The following THSD7B variants were observed in gnomAD, a reference collection of about 807,000 sequenced individuals.
The protein encoded by THSD7B is thrombospondin type 1 domain containing 7B.
A neutral mutation model predicts 213.6 loss-of-function variants in THSD7B; 138 were observed. The ratio of observed to expected loss-of-function variants is 0.65; its 90% CI spans 0.56 to 0.74. The LOEUF (loss-of-function observed/expected upper bound fraction) is 0.74, where lower values mean the gene tolerates loss of function less well. Ranked by LOEUF, THSD7B falls within the 30% of genes least tolerant of loss-of-function variation. The pLI, the probability that THSD7B is intolerant of heterozygous loss-of-function variation, is 0.00. For missense variants in THSD7B, 1,931 were observed against 1,991.5 expected, an observed-to-expected ratio of 0.97 and a Z score of 0.58; for synonymous variants, 742 against 687.0, an observed-to-expected ratio of 1.08 and a Z score of -1.25.
At chr2:136,933,583 AC>A (rs1684669419) in intron 2 of THSD7B, among the ~76,000 whole-genome samples, 1 of 152,122 alleles carries the variant, frequency 6.6e-6, no homozygotes, top group Non-Finnish European at 1.5e-5. Context: ...TGTCTCAAAA[AC>A]AAAAAAACAA....
In THSD7B at chr2:137,423,442, T is replaced by C. The variant is rs191354711; in HGVS notation, c.2959+11570T>C. Among the ~76,000 whole-genome samples, 277 of 152,174 alleles carry C rather than the reference T, an allele frequency of 1.8e-3. 1 individual carries two copies. The highest frequency in any genetic ancestry group is 6.1e-3 in the African/African-American group (252 of 41,558). On this transcript the variant is annotated intron_variant, in intron 14 of 27. Transcript: ENST00000409968. ...ATTAAAGCTAAAGAATTTAGCAGGT[T>C]TGCAGAGTATAAGATCAATGGTCGC...
chr2:137,483,035 G>A (rs1184607077), intron 15 of THSD7B, among the ~76,000 whole-genome samples: 2 of 152,018 alleles, frequency 1.3e-5, no homozygotes, highest in Non-Finnish European at 2.9e-5. Context: ...AGTCGTGAGG[G>A]TATGTTCTGT....
intron 1 of THSD7B, among the ~76,000 whole-genome samples, chr2:136,868,100 CCACACACACACACGCGCGCGCACA>C (rs1178435639): frequency 6.8e-6 from 1 of 147,262 alleles, no homozygotes; most frequent in South Asian, 2.1e-4. Context: ...ACACACCACA[CCACACACACACACGCGCGCGCACA>C]CACACACACA....
intron 15 of THSD7B, among the ~76,000 whole-genome samples, chr2:137,496,880 T>C (rs1679580768): frequency 6.6e-6 from 1 of 152,158 alleles, no homozygotes; most frequent in Non-Finnish European, 1.5e-5. Context: ...GATACGGAAA[T>C]TCACATACAC....
chr2:137,174,867 C>G (rs1341373516), intron 7 of THSD7B, among the ~76,000 whole-genome samples: 1 of 152,188 alleles, frequency 6.6e-6, no homozygotes, highest in African/African-American at 2.4e-5. Context: ...TATGTTTCCT[C>G]ATTTCAAAGT....
chr2:137,253,901 A>G (rs1291405608), intron 10 of THSD7B, among the ~76,000 whole-genome samples: 1 of 152,200 alleles, frequency 6.6e-6, no homozygotes, highest in Non-Finnish European at 1.5e-5. Flanking sequence ...GTAGATTTAT[A>G]AAGTGTTTAA....
intron 15 of THSD7B, among the ~76,000 whole-genome samples, chr2:137,556,401 G>T (rs1680968331): frequency 6.6e-6 from 1 of 152,070 alleles, no homozygotes; most frequent in South Asian, 2.1e-4. Context: ...CATTCTTAAA[G>T]AAAAGAATTT....
At chr2:137,465,057 A>G (rs865819462) in intron 15 of THSD7B, among the ~76,000 whole-genome samples, 1 of 152,078 alleles carries the variant, frequency 6.6e-6, no homozygotes, top group Non-Finnish European at 1.5e-5. Flanking sequence ...AGAGAGAAAT[A>G]AGGACATGCA....
In THSD7B at chr2:137,472,402, T is replaced by C. The variant is rs568476003; in HGVS notation, c.3138+21379T>C. Among the ~76,000 whole-genome samples, 9 of 152,188 alleles carry C rather than the reference T, an allele frequency of 5.9e-5. No individual in the cohort carries two copies. In the South Asian group the frequency reaches 1.5e-3, roughly 25 times the overall value. On this transcript the variant is annotated intron_variant, in intron 15 of 27. Coordinates refer to ENST00000409968, the MANE Select transcript of THSD7B (RefSeq NM_001316349.2). ...TATTTACTATAATCAAAACTTAAAC[T>C]GAAAAGTAGAAAAAGTATGTATTAG...
At chr2:136,957,470 A>G (rs1685146694) in intron 2 of THSD7B, among the ~76,000 whole-genome samples, 1 of 151,324 alleles carries the variant, frequency 6.6e-6, no homozygotes, top group Non-Finnish European at 1.5e-5. Context: ...TGATTAATTC[A>G]ATTATTATCA....
chr2:137,104,827 G>A (rs963952075), intron 4 of THSD7B, among the ~76,000 whole-genome samples: 1 of 152,004 alleles, frequency 6.6e-6, no homozygotes, highest in Non-Finnish European at 1.5e-5. Flanking sequence ...ATAAATTCCT[G>A]GACACTTACA....
intron 9 of THSD7B, among the ~76,000 whole-genome samples, chr2:137,234,820 T>A (rs1162943068): frequency 6.7e-6 from 1 of 150,280 alleles, no homozygotes; most frequent in Non-Finnish European, 1.5e-5. Context: ...TAATCTCCCA[T>A]GATAAATTTT....
chr2:137,518,451 A>G (rs972607148), intron 15 of THSD7B, among the ~76,000 whole-genome samples: 8 of 152,186 alleles, frequency 5.3e-5, no homozygotes, highest in African/African-American at 1.9e-4. Flanking sequence ...GCTGTAGCCA[A>G]TGGTTTGGCC....
chr2:137,272,773 A>G (rs1682776312), intron 11 of THSD7B, 111 bp downstream of exon 11: 2 of 1,131,960 alleles, frequency 1.8e-6, no homozygotes, highest in African/African-American at 3.2e-5. Context: ...GGGATCTGAC[A>G]TTTACATATC....
chr2:137,087,319 G>A (rs1395180709), intron 3 of THSD7B, among the ~76,000 whole-genome samples: 1 of 152,112 alleles, frequency 6.6e-6, no homozygotes, highest in African/African-American at 2.4e-5. Context: ...CCTAGCCAGA[G>A]CAATCAGACA....
chr2:137,090,311 A>T (rs1687927478), intron 3 of THSD7B, among the ~76,000 whole-genome samples: 1 of 151,998 alleles, frequency 6.6e-6, no homozygotes, highest in Non-Finnish European at 1.5e-5. Context: ...AGTATTTGTA[A>T]TTTTTTTATT....
intron 12 of THSD7B, among the ~76,000 whole-genome samples, chr2:137,311,536 C>T (rs943617859): frequency 6.6e-6 from 1 of 152,072 alleles, no homozygotes; most frequent in Non-Finnish European, 1.5e-5. Context: ...GAACTTCCAA[C>T]ACTATGTTGA....
chr2:136,903,847 A>G (rs1215684160), intron 2 of THSD7B, among the ~76,000 whole-genome samples: 2 of 152,036 alleles, frequency 1.3e-5, no homozygotes, highest in African/African-American at 4.8e-5. Flanking sequence ...ACCACCTTAC[A>G]TGAGGCTCTC....
chr2:137,178,065 G>C (rs1197849028), intron 7 of THSD7B, among the ~76,000 whole-genome samples: 1 of 107,794 alleles, frequency 9.3e-6, no homozygotes, highest in African/African-American at 3.7e-5. Flanking sequence ...GCTAAACTCC[G>C]TCTCAAAAAA....
Sources: gnomAD v4.1 joint callset for allele counts (sites outside exome capture counted in the v4.1 genomes callset) on GRCh38, gnomAD v4.1.1 for gene constraint, MANE v1.5 for transcripts, NCBI Gene and HGNC (gene_info 2026-07-23, HGNC 2026-07-21) for gene names.